FRMD6: variants seen among roughly 807,000 people sequenced by gnomAD.
The protein encoded by FRMD6 is FERM domain containing 6, also known as FERM domain-containing protein 6.
FRMD6 carries 37 observed loss-of-function variants against 73.2 expected under a neutral mutation model. The ratio of observed to expected loss-of-function variants is 0.51; its 90% CI spans 0.39 to 0.66. The LOEUF is 0.66. FRMD6 is among the 30% of genes least tolerant of loss of function. The pLI is 0.00. For missense variants in FRMD6, 714 were observed against 780.5 expected (o/e 0.91, Z 1.02); for synonymous variants, 273 against 282.2 (o/e 0.97, Z 0.33).
intron 2 of FRMD6, among the ~76,000 whole-genome samples, chr14:51,601,416 T>C (rs1890031500): frequency 6.6e-6 from 1 of 152,180 alleles, no homozygotes; most frequent in Admixed American, 6.5e-5. Flanking sequence ...GGTGAGAGGA[T>C]ACCTTTGCAG....
intron 2 of FRMD6, among the ~76,000 whole-genome samples, chr14:51,575,455 G>A (rs1053021696): frequency 6.6e-6 from 1 of 152,218 alleles, no homozygotes; most frequent in Admixed American, 6.5e-5. Flanking sequence ...AGATGCAGAT[G>A]CTCCTTGGTT....
At chr14:51,422,672 A>G in the FRMD6 span, among the ~76,000 whole-genome samples, 1 of 152,218 alleles carries the variant, frequency 6.6e-6, no homozygotes, top group Non-Finnish European at 1.5e-5. Flanking sequence ...AACTCTTTTC[A>G]TATTTTGGAA....
intron 2 of FRMD6, among the ~76,000 whole-genome samples, chr14:51,599,519 G>A (rs1319905848): frequency 6.6e-6 from 1 of 152,118 alleles, no homozygotes; most frequent in African/African-American, 2.4e-5. Flanking sequence ...AAGAACTTCT[G>A]CACAACAAAA....
intron 2 of FRMD6, among the ~76,000 whole-genome samples, chr14:51,610,156 A>G (rs1421287857): frequency 1.3e-5 from 2 of 148,672 alleles, no homozygotes; most frequent in Admixed American, 1.4e-4. Context: ...ACCTAGGCAC[A>G]GGCTCAGTCC....
chr14:51,566,158 C>G lies in FRMD6; in HGVS notation c.-209-4190C>G, dbSNP rs537654479. On this transcript the variant is annotated intron_variant, in intron 1 of 14. Transcript: ENST00000356218. ...CTAGCCTGGGCGACAGAGGGAGACT[C>G]TGTCTCAAGACAAAGCCCACTGGGC... is the stretch of plus-strand genomic sequence containing the variant. 1.4e-4 allele frequency among the ~76,000 whole-genome samples: 22 copies of G among 152,310 alleles called. 2 individuals are homozygous for G. The South Asian group carries it at 3.1e-3, about 22-fold the overall frequency.
intron 1 of FRMD6, among the ~76,000 whole-genome samples, chr14:51,654,464 T>A (rs1892679875): frequency 6.6e-6 from 1 of 152,200 alleles, no homozygotes; most frequent in Non-Finnish European, 1.5e-5. Context: ...TTGACTGAGC[T>A]GTCAGGTTCA....
At chr14:51,472,603 T>C in the FRMD6 span, among the ~76,000 whole-genome samples, 1 of 152,160 alleles carries the variant, frequency 6.6e-6, no homozygotes, top group Non-Finnish European at 1.5e-5. Flanking sequence ...GCACCCAGCC[T>C]GCTGAAGGAA....
At chr14:51,454,766 A>G in the FRMD6 span, 2 of 152,168 alleles carry the variant, frequency 1.3e-5, no homozygotes, top group African/African-American at 4.8e-5. Context: ...AGGACTGCAA[A>G]GGAAGGGTCT....
chr14:51,712,583 G>C (rs879460490), intron 9 of FRMD6, 32 bp downstream of exon 9: 1 of 1,372,314 alleles, frequency 7.3e-7, no homozygotes. Context: ...TAAAAGAAAA[G>C]TCTCATTAAT....
chr14:51,419,118 C>CA, the FRMD6 span, among the ~76,000 whole-genome samples: 1 of 152,186 alleles, frequency 6.6e-6, no homozygotes, highest in African/African-American at 2.4e-5. Context: ...GGAGATCCCC[C>CA]AACTCCTTAC....
chr14:51,718,419 C>T (rs1897350100), intron 10 of FRMD6, among the ~76,000 whole-genome samples: 1 of 152,230 alleles, frequency 6.6e-6, no homozygotes, highest in African/African-American at 2.4e-5. Context: ...ATTAGGTCCA[C>T]AGTTCCTAAT....
At chr14:51,579,996 C>T (rs533575574) in intron 2 of FRMD6, among the ~76,000 whole-genome samples, 2 of 152,322 alleles carry the variant, frequency 1.3e-5, no homozygotes, top group Admixed American at 1.3e-4. Context: ...CCCCATTTCC[C>T]TCTCAAACCC....
At chr14:51,414,709 G>C in the FRMD6 span, among the ~76,000 whole-genome samples, 1 of 152,176 alleles carries the variant, frequency 6.6e-6, no homozygotes, top group Admixed American at 6.6e-5. Context: ...TTGGTAGTTT[G>C]ATGGGGGTGG....
chr14:51,506,793 A>C (rs1196452853), intron 1 of FRMD6, among the ~76,000 whole-genome samples: 1 of 152,204 alleles, frequency 6.6e-6, no homozygotes, highest in Non-Finnish European at 1.5e-5. Context: ...CAGGCAGTTG[A>C]CTAAATAAAC....
chr14:51,448,109 T>G, the FRMD6 span, among the ~76,000 whole-genome samples: 3 of 152,238 alleles, frequency 2.0e-5, no homozygotes, highest in Non-Finnish European at 2.9e-5. Flanking sequence ...GTTTGCAAAT[T>G]TCCTTGTAGT....
At position 51,504,281 on chromosome 14, in the gene FRMD6, G is replaced by A. The variant is rs564179241; in HGVS notation, c.-210+14861G>A. Among the ~76,000 whole-genome samples the A allele has an allele frequency of 2.0e-5, 3 of 152,322 alleles. No homozygotes were observed. The East Asian group carries it at 5.8e-4, about 29-fold the overall frequency. ...CCAGTGAAGGCTGTGAAACAGCAAA[G>A]ATGGCAGCCAGTTCCTTCCTCTGGA... is the stretch of plus-strand genomic sequence containing the variant. On this transcript the variant is annotated intron_variant, in intron 1 of 14. Coordinates refer to the FRMD6 transcript ENST00000356218.
chr14:51,648,999 C>A (rs1300075267), upstream of FRMD6, among the ~76,000 whole-genome samples: 1 of 152,098 alleles, frequency 6.6e-6, no homozygotes, highest in Non-Finnish European at 1.5e-5. Context: ...TAAGAAGAAA[C>A]ATAAAATATA....
At chr14:51,666,819 C>T (rs1893628404) in intron 1 of FRMD6, among the ~76,000 whole-genome samples, 1 of 152,026 alleles carries the variant, frequency 6.6e-6, no homozygotes. Flanking sequence ...AAACAAAGGA[C>T]AAATGGGGAA....
At chr14:51,496,421 C>T (rs1883296128) in intron 1 of FRMD6, among the ~76,000 whole-genome samples, 1 of 152,228 alleles carries the variant, frequency 6.6e-6, no homozygotes, top group African/African-American at 2.4e-5. Flanking sequence ...CGTGTGACTA[C>T]AGTTAGCTAC....
Sources: gnomAD v4.1 joint callset for allele counts (sites outside exome capture counted in the v4.1 genomes callset) on GRCh38, gnomAD v4.1.1 for gene constraint, MANE v1.5 for transcripts, NCBI Gene and HGNC (gene_info 2026-07-23, HGNC 2026-07-21) for gene names.